The following ZBTB10 variants were observed in gnomAD, a reference collection of about 807,000 sequenced individuals.
ZBTB10 encodes zinc finger and BTB domain containing 10, also known as zinc finger and BTB domain-containing protein 10.
ZBTB10 carries 32 observed loss-of-function variants against 76.4 expected under a neutral mutation model. The observed-to-expected ratio is 0.42, with a 90% CI of 0.32 to 0.56. ZBTB10 has a LOEUF of 0.56. Ranked by LOEUF, ZBTB10 falls within the 20% of genes least tolerant of loss-of-function variation. The pLI, the probability that ZBTB10 is intolerant of heterozygous loss-of-function variation, is 0.14. For missense variants in ZBTB10, 1,057 were observed against 1,098.5 expected, an observed-to-expected ratio of 0.96 and a Z score of 0.53; for synonymous variants, 523 against 432.9, an observed-to-expected ratio of 1.21 and a Z score of -2.58.
At chr8:80,499,346 C>T (rs1475336498) in intron 1 of ZBTB10, 148 bp from the exon 2 acceptor site, 2 of 780,608 alleles carry the variant, frequency 2.6e-6, no homozygotes, top group Non-Finnish European at 3.7e-6. Context: ...GTGGGTTGCA[C>T]CACCACTGTT....
chr8:80,509,281 T>A lies in ZBTB10; in HGVS notation c.1862-4629T>A, dbSNP rs544926641. Among the ~76,000 whole-genome samples, 16 of 152,324 alleles carry A rather than the reference T, an allele frequency of 1.1e-4. No individual in the cohort carries two copies. In the East Asian group the frequency reaches 2.9e-3, roughly 28 times the overall value. On this transcript the variant is annotated intron_variant, in intron 2 of 5. Coordinates refer to ENST00000455036, the MANE Select transcript of ZBTB10 (RefSeq NM_001105539.3). ...AAGAGAAACTTGTGCTAATATGTGT[T>A]TATATGAAAATGAAAGTTGAGTAGA...
Position 80,487,428 on chromosome 8 carries a change from C to T in ZBTB10, c.618C>T (p.Ser206=), listed in dbSNP as rs1315697930. 2.6e-6 allele frequency: 4 copies of T among 1,543,816 alleles called. No homozygotes were observed. The highest frequency in any genetic ancestry group is 3.5e-6 in the Non-Finnish European group (4 of 1,141,882). The part of the protein sequence containing the change: ...GSGAEGGSCS[S]SRRSGGDGGD... Reference sequence around the variant, plus strand: ...GGGCGGAAGGCGGCAGCTGCAGCAGCAGCAGGCGGTCGGGCGGCGATGGCG... The same window carrying T: ...GGGCGGAAGGCGGCAGCTGCAGCAGTAGCAGGCGGTCGGGCGGCGATGGCG... The change falls in exon 1 of 6, where the codon AGC becomes AGT. Residue 206 remains serine (S), a synonymous_variant. Transcript: ENST00000455036.
intron 1 of ZBTB10, among the ~76,000 whole-genome samples, chr8:80,489,401 G>T (rs868336907): frequency 6.6e-6 from 1 of 152,220 alleles, no homozygotes. Flanking sequence ...CAAGGGACTT[G>T]TGAAAATGAA....
chr8:80,487,620 G>T lies in ZBTB10; in HGVS notation c.810G>T (p.Met270Ile). The change falls in exon 1 of 6, where the codon ATG becomes ATT. Residue 270 changes from methionine (M) to isoleucine (I), a missense_variant. Physicochemically the swap from Met to Ile is conservative, Grantham distance 10. Transcript: ENST00000455036. Reference sequence around the variant, plus strand: ...GCTATTCCAAGGATACTGGTCTTATGTCTTGCGGCTGGTGCCAAAAGACCC... The same window carrying T: ...GCTATTCCAAGGATACTGGTCTTATTTCTTGCGGCTGGTGCCAAAAGACCC... Reference protein sequence around the residue: ...WLRYSKDTGLMSCGWCQKTPA... With the variant: ...WLRYSKDTGLISCGWCQKTPA... The T allele has an allele frequency of 6.2e-7, 1 of 1,613,944 alleles. No individual in the cohort carries two copies. Among genetic ancestry groups the T allele is most frequent in the Non-Finnish European group, 8.5e-7 (1 of 1,179,870 alleles).
chr8:80,493,319 T>C (rs1287949283), intron 1 of ZBTB10, among the ~76,000 whole-genome samples: 4 of 151,962 alleles, frequency 2.6e-5, no homozygotes, highest in Non-Finnish European at 4.4e-5. Context: ...AAATCAAGTT[T>C]GAATAGATAG....
At chr8:80,505,852 C>G (rs1275789924) in intron 2 of ZBTB10, among the ~76,000 whole-genome samples, 1 of 151,984 alleles carries the variant, frequency 6.6e-6, no homozygotes, top group South Asian at 2.1e-4. Context: ...GCCTCACTCT[C>G]CCGCAATCAG....
At chr8:80,511,853 T>A (rs1005044789) in intron 2 of ZBTB10, among the ~76,000 whole-genome samples, 1 of 152,154 alleles carries the variant, frequency 6.6e-6, no homozygotes, top group Non-Finnish European at 1.5e-5. Flanking sequence ...TTAACTCTAA[T>A]ACATATATAT....
chr8:80,515,809 A>G (rs1001973071), intron 3 of ZBTB10, among the ~76,000 whole-genome samples: 2 of 152,234 alleles, frequency 1.3e-5, no homozygotes, highest in Non-Finnish European at 2.9e-5. Context: ...TGTACCCAGA[A>G]GGATATTATT....
At chr8:80,503,966 C>G (rs1376090463) in intron 2 of ZBTB10, among the ~76,000 whole-genome samples, 1 of 152,164 alleles carries the variant, frequency 6.6e-6, no homozygotes, top group Non-Finnish European at 1.5e-5. Context: ...TTTACTCTTT[C>G]CAGGCAAGTT....
Position 80,512,406 on chromosome 8 carries a change from C to A in ZBTB10, c.1862-1504C>A, listed in dbSNP as rs190103613. ...TCTCCCTTTAGTGACTCCTTCCTGT[C>A]AGTATTCACATATGTAATTTTCGGC... On this transcript the variant is annotated intron_variant, in intron 2 of 5. Transcript: ENST00000455036. Among the ~76,000 whole-genome samples, 536 of 152,272 alleles carry A rather than the reference C, an allele frequency of 3.5e-3. 10 individuals are homozygous for A. The highest frequency in any genetic ancestry group is 0.033 in the Admixed American group (503 of 15,294).
At chr8:80,489,369 A>C (rs1815565874) in intron 1 of ZBTB10, among the ~76,000 whole-genome samples, 1 of 152,234 alleles carries the variant, frequency 6.6e-6, no homozygotes, top group South Asian at 2.1e-4. Flanking sequence ...TCCTGAAGTT[A>C]TGTAGTAAGA....
At chr8:80,491,066 T>C (rs960708710) in intron 1 of ZBTB10, among the ~76,000 whole-genome samples, 2 of 152,170 alleles carry the variant, frequency 1.3e-5, no homozygotes, top group Admixed American at 6.5e-5. Context: ...TGTACGGTGC[T>C]CATAAAATCT....
chr8:80,508,960 T>TGG, intron 2 of ZBTB10, among the ~76,000 whole-genome samples: 1 of 152,156 alleles, frequency 6.6e-6, no homozygotes, highest in African/African-American at 2.4e-5. Context: ...GGGCATGTAC[T>TGG]GGGGGGACCT....
chr8:80,487,025 T>C lies in ZBTB10; in HGVS notation c.215T>C (p.Leu72Pro). The C allele has an allele frequency of 6.6e-7, 1 of 1,517,778 alleles. No homozygotes were observed. The highest frequency in any genetic ancestry group is 8.8e-7 in the Non-Finnish European group (1 of 1,138,956). 94.0% of individuals were successfully genotyped at this position (1,517,778 alleles called of 1,614,324 possible). A position where few individuals can be genotyped will look rare whatever the true frequency, so the allele number is the denominator to read the frequency against. Residue 72 changes from leucine (L) to proline (P), a missense_variant, in exon 1 of 6, where the codon CTG becomes CCG. By Grantham distance (98) the Leu-to-Pro change is moderately conservative. Transcript: ENST00000455036. ...GACGAGGAAGTGGAATTGGAGGGCC[T>C]GGAGCCCCAAGACCTGGAGGCCTCC... ...GADEEVELEG[L>P]EPQDLEASAG...
chr8:80,487,649 C>G lies in ZBTB10; in HGVS notation c.839C>G (p.Ala280Gly). 6.2e-7 allele frequency: 1 copy of G among 1,613,928 alleles called. No individual in the cohort carries two copies. The highest frequency in any genetic ancestry group is 8.5e-7 in the Non-Finnish European group (1 of 1,179,884). ...MSCGWCQKTP[A>G]DGGSVDLPPV... Reference sequence around the variant, plus strand: ...TGCGGCTGGTGCCAAAAGACCCCTGCAGATGGGGGAAGCGTGGACCTTCCC... The same window carrying G: ...TGCGGCTGGTGCCAAAAGACCCCTGGAGATGGGGGAAGCGTGGACCTTCCC... Residue 280 changes from alanine to glycine, a missense_variant, in exon 1 of 6, where the codon GCA (alanine) becomes GGA (glycine). By Grantham distance (60) the Ala-to-Gly change is moderately conservative. Transcript: ENST00000455036.
In ZBTB10 at chr8:80,499,888, G is replaced by A. The variant is rs770816266; in HGVS notation, c.1367G>A (p.Arg456Gln). 4 of 1,613,834 alleles carry A rather than the reference G, an allele frequency of 2.5e-6. No homozygotes were observed. Among genetic ancestry groups the A allele is most frequent in the South Asian group, 1.1e-5 (1 of 91,056 alleles). ...ATGAGTGAAGTTGTTCAAACTTGCC[G>A]AAATTTCATTAAAGATGCCTTAAAT... ...LQMSEVVQTC[R>Q]NFIKDALNIS... Residue 456 changes from arginine to glutamine, a missense_variant, in exon 2 of 6, where the codon CGA becomes CAA. Transcript: ENST00000455036.
chr8:80,501,410 CA>C (rs1815921392), intron 2 of ZBTB10, among the ~76,000 whole-genome samples: 1 of 152,176 alleles, frequency 6.6e-6, no homozygotes, highest in Admixed American at 6.5e-5. Flanking sequence ...TGAAGAAGCT[CA>C]GTGGGTTTGA....
chr8:80,504,797 A>G (rs1008633486), intron 2 of ZBTB10, among the ~76,000 whole-genome samples: 1 of 152,230 alleles, frequency 6.6e-6, no homozygotes, highest in African/African-American at 2.4e-5. Flanking sequence ...ATTTGCAACC[A>G]GGAAACATTA....
rs368192735 is a variant in ZBTB10, at chr8:80,487,656, G to C, written c.846G>C (p.Gly282=). The C allele has an allele frequency of 1.2e-6, 2 of 1,613,812 alleles. No homozygotes were observed. The highest frequency in any genetic ancestry group is 1.3e-5 in the African/African-American group (1 of 74,922). The change falls in exon 1 of 6, where the codon GGG becomes GGC. Residue 282 remains glycine, a synonymous_variant. Coordinates refer to ENST00000455036, the MANE Select transcript of ZBTB10 (RefSeq NM_001105539.3). Reference sequence around the variant, plus strand: ...GGTGCCAAAAGACCCCTGCAGATGGGGGAAGCGTGGACCTTCCCCCAGTGG... The same window carrying C: ...GGTGCCAAAAGACCCCTGCAGATGGCGGAAGCGTGGACCTTCCCCCAGTGG... ...CGWCQKTPAD[G]GSVDLPPVGH... is the part of the protein sequence containing the mutation.
Sources: allele counts gnomAD v4.1 joint callset (sites outside exome capture counted in the v4.1 genomes callset), GRCh38; gene constraint gnomAD v4.1.1; transcripts MANE v1.5; gene names NCBI Gene and HGNC (gene_info 2026-07-23, HGNC 2026-07-21).